TIAM2: variants seen among roughly 807,000 people sequenced by gnomAD.
TIAM2 encodes TIAM Rac1 associated GEF 2, also known as rho guanine nucleotide exchange factor TIAM2.
TIAM2 carries 80 observed loss-of-function variants against 152.9 expected under a neutral mutation model. That is an observed-to-expected ratio of 0.52 (90% CI 0.44 to 0.63). TIAM2 has a LOEUF of 0.63. Among genes scored for constraint, TIAM2 ranks in the 30% least tolerant of loss-of-function variants. The pLI, the probability that TIAM2 is intolerant of heterozygous loss-of-function variation, is 0.00. For missense variants in TIAM2, 1,965 were observed against 2,120.1 expected (o/e 0.93, Z 1.44); for synonymous variants, 804 against 838.0 (o/e 0.96, Z 0.70).
At chr6:155,093,062 A>ATT (rs1477915276) in intron 2 of TIAM2, among the ~76,000 whole-genome samples, 1 of 152,088 alleles carries the variant, frequency 6.6e-6, no homozygotes. Context: ...CAAACATGCC[A>ATT]TTTTCTGTGT....
intron 2 of TIAM2, among the ~76,000 whole-genome samples, chr6:155,099,220 ATGTGTGTGTG>A (rs34269926): frequency 0.091 from 13,537 of 148,222 alleles, 1,015 homozygotes; most frequent in African/African-American, 0.2. Context: ...GTATATATAT[ATGTGTGTGTG>A]TGTGTGTGTG....
chr6:155,103,921 G>GTTATT (rs879828454), intron 2 of TIAM2, among the ~76,000 whole-genome samples: 19 of 151,406 alleles, frequency 1.3e-4, no homozygotes, highest in Non-Finnish European at 2.5e-4. Flanking sequence ...TACACTGGCT[G>GTTATT]TTATTTTATT....
At chr6:155,229,401 T>C (rs1225397775) in intron 15 of TIAM2, among the ~76,000 whole-genome samples, 1 of 152,232 alleles carries the variant, frequency 6.6e-6, no homozygotes, top group African/African-American at 2.4e-5. Context: ...GCCCTGGCCT[T>C]TGTGGAATCC....
intron 14 of TIAM2, among the ~76,000 whole-genome samples, chr6:155,206,470 C>T (rs554864619): frequency 6.6e-6 from 1 of 152,226 alleles, no homozygotes; most frequent in East Asian, 1.9e-4. Flanking sequence ...CTCCTGACCT[C>T]GTGATCTGCC....
At position 155,244,890 on chromosome 6, in the gene TIAM2, A is replaced by T. The variant is rs532216687; in HGVS notation, c.3543+107A>T. On this transcript the variant is annotated intron_variant, in intron 18 of 26. Transcript: ENST00000682666. The stretch of plus-strand genomic sequence containing the variant: ...AGAATTTCTTGTCCTGTGACTATTG[A>T]CTATTTATTGTCCTGTGACTATTTC... 3.2e-5 allele frequency: 42 copies of T among 1,324,140 alleles called. No individual in the cohort carries two copies. In the African/African-American group the frequency reaches 5.6e-4, roughly 18 times the overall value. The allele number at this position is 1,324,140 out of a possible 1,614,324, so 82.0% of individuals were successfully genotyped here.
chr6:155,110,318 C>CTTTTTTTTTTTTTTTTT (rs67332964), intron 2 of TIAM2, among the ~76,000 whole-genome samples: 7 of 133,790 alleles, frequency 5.2e-5, no homozygotes, highest in East Asian at 2.1e-4. Flanking sequence ...TCTTTCTTTT[C>CTTTTTTTTTTTTTTTTT]TTTTTTTTTT....
intron 9 of TIAM2, among the ~76,000 whole-genome samples, chr6:155,171,604 CT>C (rs762807976): frequency 6.6e-6 from 1 of 152,142 alleles, no homozygotes; most frequent in Admixed American, 6.6e-5. Flanking sequence ...AACAAACCCC[CT>C]AATATTGTTT....
At chr6:155,155,253 T>G (rs1200300081) in intron 7 of TIAM2, among the ~76,000 whole-genome samples, 2 of 152,114 alleles carry the variant, frequency 1.3e-5, no homozygotes. Flanking sequence ...CTTGGCTCAC[T>G]GCAACCTCTG....
At chr6:155,058,708 C>A (rs868355586) in intron 1 of TIAM2, among the ~76,000 whole-genome samples, 1 of 152,188 alleles carries the variant, frequency 6.6e-6, no homozygotes, top group African/African-American at 2.4e-5. Context: ...AGTCTTGGAG[C>A]TGGGATTTGA....
At chr6:155,195,563 G>C (rs1293924802) in intron 14 of TIAM2, among the ~76,000 whole-genome samples, 1 of 151,280 alleles carries the variant, frequency 6.6e-6, no homozygotes, top group South Asian at 2.1e-4. Context: ...GAGCTTACTT[G>C]TATTTTAGTG....
intron 1 of TIAM2, among the ~76,000 whole-genome samples, chr6:155,000,669 G>A (rs914945956): frequency 6.6e-6 from 1 of 152,132 alleles, no homozygotes; most frequent in Non-Finnish European, 1.5e-5. Context: ...AGGTGGAGGA[G>A]TGATAGGTCA....
chr6:155,073,990 A>G (rs1377212403), intron 1 of TIAM2, among the ~76,000 whole-genome samples: 1 of 152,210 alleles, frequency 6.6e-6, no homozygotes, highest in Non-Finnish European at 1.5e-5. Context: ...CCTGCCCCAG[A>G]GCAACTTGTT....
chr6:155,046,331 CTTTTTTTTTTTT>C (rs1164422319), intron 1 of TIAM2, among the ~76,000 whole-genome samples: 2 of 80,786 alleles, frequency 2.5e-5, no homozygotes, highest in African/African-American at 1.0e-4. Flanking sequence ...TTGGCTCTGT[CTTTTTTTTTTTT>C]TTTTTTTTTT....
chr6:155,020,442 A>G (rs1375889783), intron 1 of TIAM2, among the ~76,000 whole-genome samples: 1 of 152,066 alleles, frequency 6.6e-6, no homozygotes, highest in Non-Finnish European at 1.5e-5. Flanking sequence ...ATTGTGGTCA[A>G]ATTACTGTAT....
intron 14 of TIAM2, among the ~76,000 whole-genome samples, chr6:155,204,949 T>C (rs984066475): frequency 1.3e-5 from 2 of 152,078 alleles, no homozygotes; most frequent in Non-Finnish European, 1.5e-5. Context: ...CCTTGAACGC[T>C]GCGTCCTCAT....
intron 1 of TIAM2, among the ~76,000 whole-genome samples, chr6:155,083,088 C>T (rs949046200): frequency 1.3e-5 from 2 of 152,102 alleles, no homozygotes; most frequent in African/African-American, 4.8e-5. Flanking sequence ...TGGCTCATGC[C>T]TGTAATCCCA....
At chr6:155,094,710 T>G (rs971448691) in intron 2 of TIAM2, among the ~76,000 whole-genome samples, 1 of 150,938 alleles carries the variant, frequency 6.6e-6, no homozygotes, top group Admixed American at 6.7e-5. Flanking sequence ...CCACCATACC[T>G]GGCTATATCT....
At chr6:155,211,414 A>G (rs2115214221) in intron 15 of TIAM2, 107 bp downstream of exon 15, 1 of 775,232 alleles carries the variant, frequency 1.3e-6, no homozygotes, top group South Asian at 1.7e-5. Flanking sequence ...CTCTAGGTCC[A>G]GCAGTTGATA....
intron 1 of TIAM2, among the ~76,000 whole-genome samples, chr6:155,087,418 T>C (rs2352155): frequency 0.23 from 34,799 of 152,202 alleles, 4,465 homozygotes; most frequent in East Asian, 0.45. Context: ...CAGAGCCTAG[T>C]GAAGCTTGAT....
Sources: gnomAD v4.1 joint callset for allele counts (sites outside exome capture counted in the v4.1 genomes callset) on GRCh38, gnomAD v4.1.1 for gene constraint, MANE v1.5 for transcripts, NCBI Gene and HGNC (gene_info 2026-07-23, HGNC 2026-07-21) for gene names.